The following EP400 variants were observed in gnomAD, a reference collection of about 807,000 sequenced individuals.
The protein encoded by EP400 is E1A-binding protein p400.
A neutral mutation model predicts 354.1 loss-of-function variants in EP400; 105 were observed. The observed-to-expected ratio is 0.30, with a 90% confidence interval of 0.25 to 0.35. The LOEUF (loss-of-function observed/expected upper bound fraction) is 0.35, where lower values mean the gene tolerates loss of function less well. EP400 is among the 10% of genes least tolerant of loss of function. EP400 has a pLI of 1.00. For missense variants in EP400, 3,280 were observed against 4,121.0 expected, an observed-to-expected ratio of 0.80 and a Z score of 5.59; for synonymous variants, 1,646 against 1,716.9, an observed-to-expected ratio of 0.96 and a Z score of 1.02.
chr12:132,026,601 C>A (rs1894313526), intron 25 of EP400, among the ~76,000 whole-genome samples: 1 of 152,172 alleles, frequency 6.6e-6, no homozygotes, highest in Non-Finnish European at 1.5e-5. Flanking sequence ...ACCCCCAGAA[C>A]CAGGCATCTT....
chr12:132,036,835 G>A (rs1039883674), intron 30 of EP400, among the ~76,000 whole-genome samples: 1 of 152,218 alleles, frequency 6.6e-6, no homozygotes, highest in African/African-American at 2.4e-5. Flanking sequence ...TGTTGATGAA[G>A]TTGTCCATCC....
In EP400 at chr12:132,029,487, C is replaced by T; in HGVS notation, c.5382-214C>T. The stretch of plus-strand genomic sequence containing the variant: ...CAGCCCTGGACTGTCTGAATTAGTC[C>T]CCGAGGTGGTGGTTATTGGCCAGGA... On this transcript the variant is annotated intron_variant, in intron 27 of 52. Transcript: ENST00000389561. The surrounding 1 kb of genome is among the most constrained non-coding windows in gnomAD (Gnocchi z 4.7). 1 of 600,766 alleles carries T rather than the reference C, an allele frequency of 1.7e-6. No homozygotes were observed. Among genetic ancestry groups the T allele is most frequent in the Non-Finnish European group, 3.0e-6 (1 of 338,468 alleles). 37.2% of individuals were successfully genotyped at this position (600,766 alleles called of 1,614,324 possible). A position where few individuals can be genotyped will look rare whatever the true frequency, so the allele number is the denominator to read the frequency against.
Position 132,078,566 on chromosome 12 carries a change from C to T in EP400, c.*893C>T, listed in dbSNP as rs950280989. On this transcript the variant is annotated 3_prime_UTR_variant, in exon 53 of 53. Transcript: ENST00000389561. ...TGAGGCCCAGAGGACCACGCAGAGG[C>T]AATGGTAGTACAGATGTCACAGCTG... is the stretch of plus-strand genomic sequence containing the variant. The T allele has an allele frequency of 6.6e-6, 1 of 152,320 alleles. No individual in the cohort carries two copies. The highest frequency in any genetic ancestry group is 1.5e-5 in the Non-Finnish European group (1 of 68,096). The allele number at this position is 152,320 out of a possible 1,614,324, so 9.4% of individuals were successfully genotyped here. A position where few individuals can be genotyped will look rare whatever the true frequency, so the allele number is the denominator to read the frequency against.
chr12:131,972,392 A>G (rs1892319816), intron 2 of EP400, among the ~76,000 whole-genome samples: 1 of 151,900 alleles, frequency 6.6e-6, no homozygotes, highest in Non-Finnish European at 1.5e-5. Flanking sequence ...TGACCTCGTG[A>G]TCCGCCCTCC....
At chr12:132,072,700 T>C (rs1259461759) in intron 51 of EP400, among the ~76,000 whole-genome samples, 1 of 152,250 alleles carries the variant, frequency 6.6e-6, no homozygotes, top group Non-Finnish European at 1.5e-5. Flanking sequence ...TTCGGTCTTC[T>C]GTGTGTCCTG....
chr12:132,073,916 G>A (rs961231081), intron 51 of EP400, among the ~76,000 whole-genome samples: 1 of 132,478 alleles, frequency 7.5e-6, no homozygotes, highest in East Asian at 2.1e-4. Context: ...ATTGTTTTTT[G>A]GGGTTTTTTT....
At position 132,079,142 on chromosome 12, in the gene EP400, CATTG is replaced by C; in HGVS notation, c.*1471_*1474del. ...CTCCCCATTCTCTCACTTTAAGTGA[CATTG>C]AGGAAGGTATTCTGTCCCACAGGTT... On this transcript the variant is annotated 3_prime_UTR_variant, in exon 53 of 53. Transcript: ENST00000389561. 6.6e-6 allele frequency: 1 copy of C among 152,230 alleles called. No homozygotes were observed. The highest frequency in any genetic ancestry group is 1.9e-4 in the East Asian group (1 of 5,208). 9.4% of individuals were successfully genotyped at this position (152,230 alleles called of 1,614,324 possible).
intron 41 of EP400, chr12:132,051,105 G>A (rs965681733): frequency 7.3e-5 from 14 of 191,510 alleles, no homozygotes; most frequent in African/African-American, 3.3e-4. Flanking sequence ...GTAGATGCAA[G>A]AAAGTAAATG....
chr12:132,027,998 T>G lies in EP400; in HGVS notation c.5110-19T>G. On this transcript the variant is annotated intron_variant, in intron 26 of 52. Coordinates refer to ENST00000389561, the MANE Select transcript of EP400 (RefSeq NM_015409.5). This position sits in a 1 kb window ranked among gnomAD's most constrained non-coding sequence, Gnocchi z 4.9. ...ATTCTGTTTCTCAAGTAACTGTTTTTCATCACTTTTTGATAAAGGAGGAAA... is the reference window on the plus strand; with the variant it reads ...ATTCTGTTTCTCAAGTAACTGTTTTGCATCACTTTTTGATAAAGGAGGAAA... The G allele has an allele frequency of 6.2e-7, 1 of 1,605,104 alleles. No individual in the cohort carries two copies. The highest frequency in any genetic ancestry group is 8.5e-7 in the Non-Finnish European group (1 of 1,172,898).
intron 12 of EP400, among the ~76,000 whole-genome samples, chr12:132,003,104 G>A (rs1893471149): frequency 6.7e-6 from 1 of 150,180 alleles, no homozygotes. Context: ...CTGGCTGCTT[G>A]GGAGACTGAG....
At chr12:131,970,756 A>G (rs900170609) in intron 2 of EP400, among the ~76,000 whole-genome samples, 2 of 152,238 alleles carry the variant, frequency 1.3e-5, no homozygotes, top group African/African-American at 4.8e-5. Flanking sequence ...TAATTGGCAA[A>G]TAAAATTTTA....
intron 14 of EP400, 29 bp downstream of exon 14, chr12:132,006,331 T>G: frequency 6.2e-7 from 1 of 1,609,444 alleles, no homozygotes; most frequent in Non-Finnish European, 8.5e-7. Flanking sequence ...AAGTGTGGGA[T>G]GGGCCTTTGA....
intron 45 of EP400, among the ~76,000 whole-genome samples, chr12:132,056,433 A>G (rs1895519344): frequency 6.6e-6 from 1 of 152,032 alleles, no homozygotes; most frequent in Non-Finnish European, 1.5e-5. Context: ...ACGCACACAC[A>G]CACACACACA....
chr12:132,062,231 C>T lies in EP400; in HGVS notation c.8006C>T (p.Ala2669Val), dbSNP rs144960562. ...VSMATTQGVR[A>V]VTSVTASAVV... ...ATGGCAACGACTCAGGGTGTTCGAGCGGTCACTTCTGTGACAGCCTCGGCC... is the reference window on the plus strand; with the variant it reads ...ATGGCAACGACTCAGGGTGTTCGAGTGGTCACTTCTGTGACAGCCTCGGCC... The change falls in exon 46 of 53, where the codon GCG becomes GTG. Residue 2669 changes from alanine to valine, a missense_variant. By Grantham distance (64) the Ala-to-Val change is moderately conservative. Coordinates refer to ENST00000389561, the MANE Select transcript of EP400 (RefSeq NM_015409.5). 29 of 1,614,092 alleles carry T rather than the reference C, an allele frequency of 1.8e-5. No homozygotes were observed. Among genetic ancestry groups the T allele is most frequent in the Admixed American group, 1.3e-4 (8 of 60,012 alleles).
At chr12:132,006,633 G>C in intron 14 of EP400, 67 bp from the exon 15 acceptor site, 1 of 1,476,698 alleles carries the variant, frequency 6.8e-7, no homozygotes, top group Non-Finnish European at 9.1e-7. Context: ...GTTGATTTCA[G>C]TTTTGAGAAA....
In EP400 at chr12:132,017,974, T is replaced by C. The variant is rs1450445358; in HGVS notation, c.4111-236T>C. Among the ~76,000 whole-genome samples the C allele has an allele frequency of 6.6e-6, 1 of 152,170 alleles. No individual in the cohort carries two copies. Among genetic ancestry groups the C allele is most frequent in the African/African-American group, 2.4e-5 (1 of 41,446 alleles). ...TGCAGAGGGCAGGCTTTCTTGGCGTTGTGTGGATTGTGGGCTGTGAGAAGT... is the reference window on the plus strand; with the variant it reads ...TGCAGAGGGCAGGCTTTCTTGGCGTCGTGTGGATTGTGGGCTGTGAGAAGT... On this transcript the variant is annotated intron_variant, in intron 20 of 52. Coordinates refer to ENST00000389561, the MANE Select transcript of EP400 (RefSeq NM_015409.5). This position sits in a 1 kb window ranked among gnomAD's most constrained non-coding sequence, Gnocchi z 5.0.
At chr12:131,983,122 A>G (rs1892737771) in intron 5 of EP400, among the ~76,000 whole-genome samples, 1 of 152,202 alleles carries the variant, frequency 6.6e-6, no homozygotes, top group Admixed American at 6.5e-5. Flanking sequence ...GGTAGGTGGC[A>G]GCGACCCATT....
chr12:132,018,171 C>T lies in EP400; in HGVS notation c.4111-39C>T. The T allele has an allele frequency of 1.2e-6, 2 of 1,600,568 alleles. No individual in the cohort carries two copies. The highest frequency in any genetic ancestry group is 1.4e-5 in the African/African-American group (1 of 73,614). On this transcript the variant is annotated intron_variant, in intron 20 of 52. Transcript: ENST00000389561. This position sits in a 1 kb window ranked among gnomAD's most constrained non-coding sequence, Gnocchi z 4.0. ...TTTGATTCTTAGGTGCTTTTTTTGC[C>T]TCTTCATGCAGCAAGACTTTTTTTC...
chr12:131,987,260 A>G (rs1437688022), intron 6 of EP400, among the ~76,000 whole-genome samples: 2 of 152,222 alleles, frequency 1.3e-5, no homozygotes, highest in Non-Finnish European at 2.9e-5. Context: ...GTGTATCAAA[A>G]TAGAGTGTCA....
Sources: allele counts gnomAD v4.1 joint callset (sites outside exome capture counted in the v4.1 genomes callset), GRCh38; gene constraint gnomAD v4.1.1; non-coding constraint Gnocchi (gnomAD v3.1); transcripts MANE v1.5; gene names NCBI Gene and HGNC (gene_info 2026-07-23, HGNC 2026-07-21).